The following OSBPL6 variants were observed in gnomAD, a reference collection of about 807,000 sequenced individuals.
The protein encoded by OSBPL6 is oxysterol binding protein like 6.
A neutral mutation model predicts 125.8 loss-of-function variants in OSBPL6; 49 were observed. The ratio of observed to expected loss-of-function variants is 0.39; its 90% CI spans 0.31 to 0.49. The LOEUF is 0.49. Ranked by LOEUF, OSBPL6 falls within the 20% of genes least tolerant of loss-of-function variation. OSBPL6 has a pLI of 0.88. For synonymous variants in OSBPL6, 394 were observed against 391.8 expected (o/e 1.01, Z -0.07); for missense variants, 986 against 1,135.4 (o/e 0.87, Z 1.89).
At chr2:178,240,141 T>C (rs1297847901) in intron 1 of OSBPL6, among the ~76,000 whole-genome samples, 1 of 151,984 alleles carries the variant, frequency 6.6e-6, no homozygotes, top group Non-Finnish European at 1.5e-5. Flanking sequence ...GAGGCGAGAA[T>C]GGGGAGTTAA....
chr2:178,319,511 T>C (rs949644694), intron 3 of OSBPL6, among the ~76,000 whole-genome samples: 17 of 152,234 alleles, frequency 1.1e-4, no homozygotes, highest in African/African-American at 4.1e-4. Context: ...TAAAATCTTG[T>C]CACCTTCCAA....
At chr2:178,288,155 A>G (rs1019860778) in intron 2 of OSBPL6, among the ~76,000 whole-genome samples, 5 of 152,124 alleles carry the variant, frequency 3.3e-5, no homozygotes, top group Admixed American at 6.5e-5. Flanking sequence ...GGAATTGGCA[A>G]TGCAGACACC....
At chr2:178,210,831 C>A (rs1386019797) in intron 1 of OSBPL6, among the ~76,000 whole-genome samples, 4 of 149,660 alleles carry the variant, frequency 2.7e-5, no homozygotes, top group Admixed American at 6.6e-5. Flanking sequence ...AAAACACACA[C>A]ACACACACAC....
chr2:178,300,115 T>C (rs533325046), intron 2 of OSBPL6, among the ~76,000 whole-genome samples: 6 of 152,368 alleles, frequency 3.9e-5, no homozygotes, highest in African/African-American at 9.6e-5. Context: ...ATATCTCAAA[T>C]TGAGGAAAAT....
chr2:178,369,373 G>GA (rs1384902929), intron 13 of OSBPL6, among the ~76,000 whole-genome samples: 1 of 152,128 alleles, frequency 6.6e-6, no homozygotes, highest in Non-Finnish European at 1.5e-5. Context: ...CTAAGCATCA[G>GA]AAAATCCCCA....
At chr2:178,287,143 T>A in intron 2 of OSBPL6, among the ~76,000 whole-genome samples, 1 of 16,352 alleles carries the variant, frequency 6.1e-5, no homozygotes, top group Non-Finnish European at 2.4e-4. Flanking sequence ...ATGGTTCTTC[T>A]TTTTTTAAAA....
rs1574910838 is a variant in OSBPL6, at chr2:178,338,934, C to A, written c.791-57C>A. On this transcript the variant is annotated intron_variant, in intron 9 of 24. Transcript: ENST00000190611. ...TAATTTGCATTGACCCTTTTATTAC[C>A]ATCCCCACCGCTCCCTACCCAATTT... 17 of 1,221,426 alleles carry A rather than the reference C, an allele frequency of 1.4e-5. No homozygotes were observed. In the East Asian group the frequency reaches 4.1e-4, roughly 30 times the overall value. 75.7% of individuals were successfully genotyped at this position (1,221,426 alleles called of 1,614,324 possible). A position where few individuals can be genotyped will look rare whatever the true frequency, so the allele number is the denominator to read the frequency against.
chr2:178,383,906 A>C (rs1368659549), intron 17 of OSBPL6, 133 bp from the exon 18 acceptor site: 3 of 1,085,140 alleles, frequency 2.8e-6, no homozygotes, highest in Non-Finnish European at 2.6e-6. Context: ...TTCTGTACAG[A>C]CAATAGAAAA....
intron 1 of OSBPL6, among the ~76,000 whole-genome samples, chr2:178,255,939 T>C (rs981424725): frequency 3.3e-5 from 5 of 152,218 alleles, no homozygotes; most frequent in Admixed American, 2.6e-4. Context: ...ACTTTAGTAT[T>C]CACAGGATCT....
At chr2:178,332,471 C>A (rs1433114773) in intron 6 of OSBPL6, among the ~76,000 whole-genome samples, 170 bp from the exon 7 acceptor site, 2 of 152,200 alleles carry the variant, frequency 1.3e-5, no homozygotes, top group Non-Finnish European at 2.9e-5. Context: ...CATCAACTGT[C>A]CTAGAACCTA....
rs181478343 is a variant in OSBPL6, at chr2:178,263,589, A to G, written c.-350-21338A>G. ...CCCAGAGATGGTAAGTTACTTGTAC[A>G]AAGTGACACACATCAAGGCAGCAGA... On this transcript the variant is annotated intron_variant, in intron 1 of 24. Coordinates refer to ENST00000190611, the MANE Select transcript of OSBPL6 (RefSeq NM_032523.4). Among the ~76,000 whole-genome samples the G allele has an allele frequency of 1.5e-4, 23 of 152,340 alleles. No individual in the cohort carries two copies. The East Asian group carries it at 4.4e-3, about 29-fold the overall frequency.
At chr2:178,308,294 G>C (rs564381423) in intron 3 of OSBPL6, among the ~76,000 whole-genome samples, 1 of 152,152 alleles carries the variant, frequency 6.6e-6, no homozygotes, top group East Asian at 1.9e-4. Flanking sequence ...AGGGAACTCA[G>C]ATATTTTGAC....
At chr2:178,272,380 C>T (rs1284968742) in intron 1 of OSBPL6, among the ~76,000 whole-genome samples, 2 of 152,138 alleles carry the variant, frequency 1.3e-5, no homozygotes, top group African/African-American at 4.8e-5. Context: ...GTGTTAAAGG[C>T]ATATTAGAGA....
chr2:178,336,589 C>T (rs1200998077), intron 9 of OSBPL6, among the ~76,000 whole-genome samples, 156 bp downstream of exon 9: 2 of 152,194 alleles, frequency 1.3e-5, no homozygotes, highest in Admixed American at 6.5e-5. Flanking sequence ...TATTTTTATG[C>T]ACCAGCTCCT....
intron 1 of OSBPL6, among the ~76,000 whole-genome samples, chr2:178,257,164 T>C (rs1341858687): frequency 4.6e-5 from 7 of 152,192 alleles, no homozygotes; most frequent in African/African-American, 1.7e-4. Context: ...CTCATGAATA[T>C]TATTTTGGAT....
At chr2:178,210,637 C>A (rs2089804298) in intron 1 of OSBPL6, among the ~76,000 whole-genome samples, 1 of 151,872 alleles carries the variant, frequency 6.6e-6, no homozygotes, top group African/African-American at 2.4e-5. Flanking sequence ...ATGGTGAAAC[C>A]CCGCTTCTAC....
rs375339864 is a variant in OSBPL6 at position 178,302,374 on chromosome 2, G to A, written c.-155-3656G>A. 1.6e-3 allele frequency among the ~76,000 whole-genome samples: 245 copies of A among 152,046 alleles called. 2 individuals carry two copies. Among genetic ancestry groups the A allele is most frequent in the African/African-American group, 5.6e-3 (234 of 41,454 alleles). ...TTCTTTGGTTTAGAATATTGTTTAGGCAATTTCTGAAAATGTTCTTTCGTA... is the reference window on the plus strand; with the variant it reads ...TTCTTTGGTTTAGAATATTGTTTAGACAATTTCTGAAAATGTTCTTTCGTA... On this transcript the variant is annotated intron_variant, in intron 2 of 24. Transcript: ENST00000190611.
intron 4 of OSBPL6, 146 bp from the exon 5 acceptor site, chr2:178,328,110 T>G: frequency 9.9e-7 from 1 of 1,008,500 alleles, no homozygotes. Context: ...CTGTGTTTGA[T>G]GTTAGAATTT....
chr2:178,303,467 C>T (rs1266856191), intron 2 of OSBPL6, among the ~76,000 whole-genome samples: 1 of 152,132 alleles, frequency 6.6e-6, no homozygotes, highest in African/African-American at 2.4e-5. Flanking sequence ...TTCAGGGTGA[C>T]ATAATCCATT....
Sources: allele counts gnomAD v4.1 joint callset (sites outside exome capture counted in the v4.1 genomes callset), GRCh38; gene constraint gnomAD v4.1.1; transcripts MANE v1.5; gene names NCBI Gene and HGNC (gene_info 2026-07-23, HGNC 2026-07-21).